The following KRT4 variants were observed in gnomAD, a reference collection of about 807,000 sequenced individuals.
KRT4 encodes the protein keratin 4.
In KRT4, 47 loss-of-function variants were observed where a neutral mutation model predicts 50.6. That is an observed-to-expected ratio of 0.93 (90% CI 0.73 to 1.18). The LOEUF (loss-of-function observed/expected upper bound fraction) is 1.18, where lower values mean the gene tolerates loss of function less well. Among genes scored for constraint, KRT4 ranks in the 50% most tolerant of loss-of-function variants. KRT4 has a pLI of 0.00. For missense variants in KRT4, 651 were observed against 645.7 expected (o/e 1.01, Z -0.09); for synonymous variants, 254 against 251.2 (o/e 1.01, Z -0.10).
At chr12:52,811,705 G>A (rs910916111) in intron 2 of KRT4, 58 bp downstream of exon 2, 2 of 1,405,254 alleles carry the variant, frequency 1.4e-6, no homozygotes, top group Middle Eastern at 2.4e-4. Context: ...AGCCCCGGGA[G>A]CCTGGGTGTG....
chr12:52,811,629 T>A, intron 2 of KRT4, 134 bp downstream of exon 2: 1 of 740,440 alleles, frequency 1.4e-6, no homozygotes, highest in South Asian at 1.5e-5. Flanking sequence ...TATGTGGATG[T>A]AGCAAAACAG....
chr12:52,807,837 C>G lies in KRT4; in HGVS notation c.1153G>C (p.Asp385His). ...GCATTCTCACCTCGCTGCTCTGCAT[C>G]AGCCACGGATACCTGAAGAGTCTGG... Reference protein sequence around the residue: ...QCQTLQVSVADAEQRGENALK... With the variant: ...QCQTLQVSVAHAEQRGENALK... Residue 385 changes from aspartate (D) to histidine (H), a missense_variant, in exon 7 of 9, where the codon GAT becomes CAT. By Grantham distance (81) the Asp-to-His change is moderately conservative. Coordinates refer to ENST00000551956, the MANE Select transcript of KRT4 (RefSeq NM_002272.4). The G allele has an allele frequency of 6.2e-7, 1 of 1,614,048 alleles. No individual in the cohort carries two copies. Among genetic ancestry groups the G allele is most frequent in the Non-Finnish European group, 8.5e-7 (1 of 1,180,048 alleles).
At position 52,813,700 on chromosome 12, in the gene KRT4, G is replaced by A; in HGVS notation, c.359C>T (p.Thr120Ile). The change falls in exon 1 of 9, where the codon ACC becomes ATC. Residue 120 changes from threonine (T) to isoleucine (I), a missense_variant. Physicochemically the swap from Thr to Ile is moderately conservative, Grantham distance 89 (BLOSUM62 -1). Coordinates refer to ENST00000551956, the MANE Select transcript of KRT4 (RefSeq NM_002272.4). The part of the protein sequence containing the change: ...QEVTINQSLL[T>I]PLHVEIDPEI... ...AGGGTCAATCTCCACGTGGAGGGGG[G>A]TGAGCAAGCTCTGGTTGATGGTGAC... 6.2e-7 allele frequency: 1 copy of A among 1,614,110 alleles called. No homozygotes were observed. Among genetic ancestry groups the A allele is most frequent in the Non-Finnish European group, 8.5e-7 (1 of 1,179,946 alleles).
rs1460484546 is a variant in KRT4, at chr12:52,807,172, C to T, written c.1460G>A (p.Gly487Asp). The change falls in exon 9 of 9, where the codon GGC becomes GAC. Residue 487 changes from glycine to aspartate, a missense_variant. Coordinates refer to ENST00000551956, the MANE Select transcript of KRT4 (RefSeq NM_002272.4). ...GCCACTTCCAGAGCCGGAGCCAAAG[C>T]CACTACTCAGGCCAAACCCGGAGCC... ...GSGSGFGLSS[G>D]FGSGSGSGFG... The T allele has an allele frequency of 6.2e-7, 1 of 1,614,048 alleles. No individual in the cohort carries two copies.
chr12:52,813,453 T>C (rs529164870), intron 1 of KRT4, 144 bp downstream of exon 1: 5 of 756,296 alleles, frequency 6.6e-6, no homozygotes, highest in African/African-American at 1.7e-5. Flanking sequence ...CTCAAAGTCA[T>C]GATGCCCCTT....
chr12:52,811,396 A>G (rs1592310996), intron 2 of KRT4: 2 of 289,348 alleles, frequency 6.9e-6, no homozygotes, highest in East Asian at 1.8e-4. Flanking sequence ...AGAGAGGTTC[A>G]GCTATTTACC....
intron 1 of KRT4, among the ~76,000 whole-genome samples, chr12:52,812,446 A>G (rs1348647015): frequency 6.6e-6 from 1 of 152,210 alleles, no homozygotes; most frequent in African/African-American, 2.4e-5. Flanking sequence ...GAACCTGTGA[A>G]CAACTGAGTA....
At chr12:52,812,071 C>T in intron 1 of KRT4, 94 bp from the exon 2 acceptor site, 1 of 994,168 alleles carries the variant, frequency 1.0e-6, no homozygotes, top group Non-Finnish European at 1.6e-6. Flanking sequence ...TCCCAGGGAA[C>T]TACACGGCCC....
At position 52,807,673 on chromosome 12, in the gene KRT4, G is replaced by A; in HGVS notation, c.1317C>T (p.Tyr439=). Residue 439 remains tyrosine, a synonymous_variant, in exon 7 of 9, where the codon TAC becomes TAT. Coordinates refer to ENST00000551956, the MANE Select transcript of KRT4 (RefSeq NM_002272.4). ...ACTCCTCGCCCTCCAGCAGTTTGCG[G>A]TAGGTGGCGATCTCGATGTCCAAGG... ...KLALDIEIAT[Y]RKLLEGEEYR... The A allele has an allele frequency of 3.7e-6, 6 of 1,614,070 alleles. No individual in the cohort carries two copies. The highest frequency in any genetic ancestry group is 5.1e-6 in the Non-Finnish European group (6 of 1,180,032).
At position 52,813,743 on chromosome 12, in the gene KRT4, C is replaced by T. The variant is rs199642796; in HGVS notation, c.316G>A (p.Ala106Thr). ...KGGPGFPVCP[A>T]GGIQEVTINQ... ...ATGGTGACCTCCTGAATTCCCCCAG[C>T]GGGGCAGACGGGGAAGCCAGGGCCA... The change falls in exon 1 of 9, where the codon GCT becomes ACT. Residue 106 changes from alanine to threonine, a missense_variant. Physicochemically the swap from Ala to Thr is moderately conservative, Grantham distance 58. Coordinates refer to ENST00000551956, the MANE Select transcript of KRT4 (RefSeq NM_002272.4). 3.5e-5 allele frequency: 36 copies of T among 1,038,998 alleles called. No homozygotes were observed. The highest frequency in any genetic ancestry group is 2.5e-4 in the South Asian group (11 of 43,974). The allele number at this position is 1,038,998 out of a possible 1,614,324, so 64.4% of individuals were successfully genotyped here.
chr12:52,814,087 A>C lies in KRT4; in HGVS notation c.-29T>G. 1 of 1,613,848 alleles carries C rather than the reference A, an allele frequency of 6.2e-7. No individual in the cohort carries two copies. The highest frequency in any genetic ancestry group is 1.1e-5 in the South Asian group (1 of 91,078). On this transcript the variant is annotated 5_prime_UTR_variant, in exon 1 of 9. Transcript: ENST00000551956. ...TGCAGAGAGCGAGCTGGGAGCTATC[A>C]GAGAAGTGACAGGGCCCAGGCCGGT...
Position 52,807,709 on chromosome 12 carries a change from A to G in KRT4, c.1281T>C (p.Ser427=), listed in dbSNP as rs1408647866. 6.8e-6 allele frequency: 11 copies of G among 1,613,774 alleles called. No individual in the cohort carries two copies. The highest frequency in any genetic ancestry group is 8.5e-6 in the Non-Finnish European group (10 of 1,179,972). ...TCTCGATGTCCAAGGCCAGCTTCACACTCATGAGCTCCTGGTACTCACGCA... is the reference window on the plus strand; with the variant it reads ...TCTCGATGTCCAAGGCCAGCTTCACGCTCATGAGCTCCTGGTACTCACGCA... ...RMLREYQELM[S]VKLALDIEIA... Residue 427 remains serine, a synonymous_variant, in exon 7 of 9, where the codon AGT becomes AGC. Coordinates refer to ENST00000551956, the MANE Select transcript of KRT4 (RefSeq NM_002272.4).
rs748479276 is a variant in KRT4 at position 52,813,632 on chromosome 12, G to T, written c.427C>A (p.Leu143Ile). ...VRTEEREQIK[L>I]LNNKFASFID... ...AAGGAGGCAAACTTGTTGTTGAGGA[G>T]CTTGATCTGTTCGCGCTCTTCCGTC... is the stretch of plus-strand genomic sequence containing the variant. The change falls in exon 1 of 9, where the codon CTC (leucine) becomes ATC (isoleucine). Residue 143 changes from leucine (L) to isoleucine (I), a missense_variant. Leu to Ile is a conservative substitution (Grantham distance 5). Transcript: ENST00000551956. The T allele has an allele frequency of 8.7e-6, 14 of 1,613,968 alleles. No homozygotes were observed. Among genetic ancestry groups the T allele is most frequent in the Non-Finnish European group, 1.1e-5 (13 of 1,179,996 alleles).
chr12:52,813,249 G>A (rs1371707852), intron 1 of KRT4, among the ~76,000 whole-genome samples: 1 of 152,110 alleles, frequency 6.6e-6, no homozygotes, highest in Non-Finnish European at 1.5e-5. Context: ...GATTAATGGG[G>A]TTAACTGCAT....
chr12:52,810,972 A>G, intron 2 of KRT4, 156 bp from the exon 3 acceptor site: 1 of 677,680 alleles, frequency 1.5e-6, no homozygotes, highest in South Asian at 1.8e-5. Context: ...CATTTAACCT[A>G]TATTCATTGA....
chr12:52,810,577 A>G (rs115192520), intron 3 of KRT4, among the ~76,000 whole-genome samples, 179 bp downstream of exon 3: 2,126 of 152,142 alleles, frequency 0.014, 47 homozygotes, highest in African/African-American at 0.049. Context: ...CTTTCCTCCC[A>G]ACCTTAATTT....
chr12:52,810,547 C>CA lies in KRT4; in HGVS notation c.738+208dup, dbSNP rs531884232. ...GGGCAAAAAGAGTGAAGCTCCATCT[C>CA]AAAAAAAAAAGCAAATAGGCTTTCC... On this transcript the variant is annotated intron_variant, in intron 3 of 8. Transcript: ENST00000551956. Among the ~76,000 whole-genome samples, 89 of 147,292 alleles carry CA rather than the reference C, an allele frequency of 6.0e-4. No individual in the cohort carries two copies. In the South Asian group the frequency reaches 6.8e-3, roughly 11 times the overall value.
chr12:52,813,651 T>C lies in KRT4; in HGVS notation c.408A>G (p.Glu136=), dbSNP rs12304584. 291 of 1,614,174 alleles carry C rather than the reference T, an allele frequency of 1.8e-4. No individual in the cohort carries two copies. In the African/African-American group the frequency reaches 3.2e-3, roughly 18 times the overall value. ...TGAGGAGCTTGATCTGTTCGCGCTC[T>C]TCCGTCCGGACTTTCTGGATCTCAG... The part of the protein sequence containing the change: ...IDPEIQKVRT[E]EREQIKLLNN... Residue 136 remains glutamate (E), a synonymous_variant, in exon 1 of 9, where the codon GAA becomes GAG. Transcript: ENST00000551956.
At chr12:52,808,997 A>G (rs1939859350) in intron 4 of KRT4, 147 bp from the exon 5 acceptor site, 2 of 871,742 alleles carry the variant, frequency 2.3e-6, no homozygotes, top group Non-Finnish European at 3.8e-6. Context: ...TGGTTGTGAC[A>G]GTTCAGGATG....
Sources: allele counts gnomAD v4.1 joint callset (sites outside exome capture counted in the v4.1 genomes callset), GRCh38; gene constraint gnomAD v4.1.1; transcripts MANE v1.5; gene names NCBI Gene and HGNC (gene_info 2026-07-23, HGNC 2026-07-21).